The following NXPH1 variants were observed in gnomAD, a reference collection of about 807,000 sequenced individuals.
NXPH1 encodes neurexophilin 1, also known as neurexophilin-1.
NXPH1 carries 5 observed loss-of-function variants against 23.7 expected under a neutral mutation model. The observed-to-expected ratio is 0.21, with a 90% CI of 0.11 to 0.44. NXPH1 has a LOEUF of 0.44. Ranked by LOEUF, NXPH1 falls within the 20% of genes least tolerant of loss-of-function variation. The pLI is 0.99. For synonymous variants in NXPH1, 144 were observed against 122.2 expected (o/e 1.18, Z -1.18); for missense variants, 324 against 321.6 (o/e 1.01, Z -0.06).
At chr7:8,588,680 T>C (rs1357294127) in intron 2 of NXPH1, among the ~76,000 whole-genome samples, 1 of 152,116 alleles carries the variant, frequency 6.6e-6, no homozygotes, top group East Asian at 1.9e-4. Context: ...GGATTTTGAA[T>C]AGAGTCACAT....
intron 2 of NXPH1, among the ~76,000 whole-genome samples, chr7:8,686,113 C>T (rs1005696069): frequency 3.3e-5 from 5 of 152,026 alleles, no homozygotes; most frequent in Admixed American, 2.6e-4. Flanking sequence ...CTATCCCAAC[C>T]GAAAAGAGCC....
intron 2 of NXPH1, among the ~76,000 whole-genome samples, chr7:8,498,213 T>C (rs1817371400): frequency 6.6e-6 from 1 of 152,048 alleles, no homozygotes; most frequent in Non-Finnish European, 1.5e-5. Context: ...AGGATATCCC[T>C]GGGGTTTGCT....
At chr7:8,450,871 T>C (rs1179570802) in intron 2 of NXPH1, among the ~76,000 whole-genome samples, 1 of 152,262 alleles carries the variant, frequency 6.6e-6, no homozygotes. Flanking sequence ...TCTAGTAATC[T>C]ACTTTTTAAG....
At chr7:8,584,293 A>C (rs1818938326) in intron 2 of NXPH1, among the ~76,000 whole-genome samples, 1 of 152,196 alleles carries the variant, frequency 6.6e-6, no homozygotes, top group South Asian at 2.1e-4. Context: ...AACTGTGAAG[A>C]TTAAAAGAGA....
intron 2 of NXPH1, among the ~76,000 whole-genome samples, chr7:8,640,917 G>A (rs1211928787): frequency 6.6e-6 from 1 of 151,972 alleles, no homozygotes; most frequent in Non-Finnish European, 1.5e-5. Context: ...TCACACCACT[G>A]CACTCCAGCC....
In NXPH1 at chr7:8,710,853, G is replaced by A. The variant is rs571451009; in HGVS notation, c.55-40155G>A. Among the ~76,000 whole-genome samples, 34 of 121,314 alleles carry A rather than the reference G, an allele frequency of 2.8e-4. 1 individual carries two copies. In the South Asian group the frequency reaches 7.9e-3, roughly 28 times the overall value. 79.6% of individuals were successfully genotyped at this position (121,314 alleles called of 152,430 possible). ...AATTTTTTGTATTTTTAGTAGAGAC[G>A]GGGTTTCACCGTGTTAGCCAGGATG... On this transcript the variant is annotated intron_variant, in intron 2 of 2. Transcript: ENST00000405863.
chr7:8,585,529 G>C (rs1040555622), intron 2 of NXPH1, among the ~76,000 whole-genome samples: 4 of 152,182 alleles, frequency 2.6e-5, no homozygotes, highest in Non-Finnish European at 4.4e-5. Flanking sequence ...GAGTCGTAGG[G>C]ACAGGGAAAC....
chr7:8,602,996 A>C (rs564547709), intron 2 of NXPH1, among the ~76,000 whole-genome samples: 1 of 152,242 alleles, frequency 6.6e-6, no homozygotes, highest in South Asian at 2.1e-4. Context: ...TTTTTAGTAG[A>C]GACGGGGTTT....
At chr7:8,474,318 G>A (rs767133687) in intron 2 of NXPH1, among the ~76,000 whole-genome samples, 1 of 152,046 alleles carries the variant, frequency 6.6e-6, no homozygotes, top group African/African-American at 2.4e-5. Context: ...TGAGAGAAAT[G>A]ATACAGAAAA....
chr7:8,557,226 C>T (rs146627229), intron 2 of NXPH1, among the ~76,000 whole-genome samples: 86 of 151,636 alleles, frequency 5.7e-4, no homozygotes, highest in Middle Eastern at 3.4e-3. Context: ...GGGTACATCC[C>T]GGGCTTTTGT....
chr7:8,514,281 C>T (rs1563332643), intron 2 of NXPH1, among the ~76,000 whole-genome samples: 1 of 152,146 alleles, frequency 6.6e-6, no homozygotes, highest in Non-Finnish European at 1.5e-5. Context: ...AGTGTTGCTT[C>T]TCCTTCATAG....
intron 2 of NXPH1, among the ~76,000 whole-genome samples, chr7:8,469,738 T>C (rs955734151): frequency 2.0e-5 from 3 of 152,116 alleles, no homozygotes; most frequent in Admixed American, 6.6e-5. Context: ...ATTACTATTA[T>C]TGCTAACTAT....
chr7:8,473,679 TA>T (rs1452166520), intron 2 of NXPH1, among the ~76,000 whole-genome samples: 8 of 151,984 alleles, frequency 5.3e-5, no homozygotes, highest in Non-Finnish European at 8.8e-5. Flanking sequence ...TGCTAGATTC[TA>T]AAGGCATTCT....
At chr7:8,711,565 C>T (rs576028065) in intron 2 of NXPH1, among the ~76,000 whole-genome samples, 3 of 152,198 alleles carry the variant, frequency 2.0e-5, no homozygotes, top group Non-Finnish European at 4.4e-5. Context: ...CATGGGCTGG[C>T]ACAATTTATG....
At chr7:8,443,153 G>C (rs185985979) in intron 2 of NXPH1, among the ~76,000 whole-genome samples, 4 of 152,294 alleles carry the variant, frequency 2.6e-5, no homozygotes, top group East Asian at 1.9e-4. Context: ...CCAGCTATTC[G>C]GGGGGCAGCT....
intron 2 of NXPH1, among the ~76,000 whole-genome samples, chr7:8,611,775 G>A (rs1029230466): frequency 2.0e-5 from 3 of 152,088 alleles, no homozygotes; most frequent in African/African-American, 7.2e-5. Flanking sequence ...CTTTGGTTAG[G>A]TAGTAGGTGC....
intron 2 of NXPH1, among the ~76,000 whole-genome samples, chr7:8,518,228 G>A (rs1027899908): frequency 1.3e-5 from 2 of 152,018 alleles, no homozygotes; most frequent in East Asian, 1.9e-4. Context: ...TATTAAGAAC[G>A]ATTTGTTTAC....
intron 2 of NXPH1, among the ~76,000 whole-genome samples, chr7:8,524,319 C>A (rs189052943): frequency 6.7e-6 from 1 of 148,878 alleles, no homozygotes; most frequent in East Asian, 2.0e-4. Context: ...GTGACCCCAA[C>A]AAATCTTGGT....
chr7:8,660,918 T>A (rs903225201), intron 2 of NXPH1, among the ~76,000 whole-genome samples: 3 of 152,044 alleles, frequency 2.0e-5, no homozygotes, highest in Admixed American at 6.6e-5. Context: ...AAAGTATCAA[T>A]TATGGAAAAA....
Sources: allele counts gnomAD v4.1 joint callset (sites outside exome capture counted in the v4.1 genomes callset), GRCh38; gene constraint gnomAD v4.1.1; transcripts MANE v1.5; gene names NCBI Gene and HGNC (gene_info 2026-07-23, HGNC 2026-07-21).